The following BTRC variants were observed in gnomAD, a reference collection of about 807,000 sequenced individuals.
BTRC encodes beta-transducin repeat containing E3 ubiquitin protein ligase, also known as F-box/WD repeat-containing protein 1A.
In BTRC, 42 loss-of-function variants were observed where a neutral mutation model predicts 85.5. The observed-to-expected ratio is 0.49, with a 90% CI of 0.38 to 0.64. BTRC has a LOEUF of 0.64. BTRC is among the 30% of genes least tolerant of loss of function. The pLI is 0.00. For synonymous variants in BTRC, 255 were observed against 263.3 expected (o/e 0.97, Z 0.30); for missense variants, 594 against 743.5 (o/e 0.80, Z 2.34).
intron 4 of BTRC, among the ~76,000 whole-genome samples, chr10:101,485,711 C>T (rs558707746): frequency 3.3e-4 from 50 of 152,234 alleles, no homozygotes; most frequent in African/African-American, 1.2e-3. Context: ...GACTGAGGCA[C>T]TTCAAGATGC....
chr10:101,479,198 T>C (rs1480431379), intron 3 of BTRC, among the ~76,000 whole-genome samples, 170 bp from the exon 4 acceptor site: 1 of 130,956 alleles, frequency 7.6e-6, no homozygotes, highest in Non-Finnish European at 1.8e-5. Flanking sequence ...TTTTGTAGCC[T>C]CTATCTTTGC....
intron 6 of BTRC, among the ~76,000 whole-genome samples, chr10:101,527,020 CAG>C (rs2062202540): frequency 6.6e-6 from 1 of 152,156 alleles, no homozygotes; most frequent in Non-Finnish European, 1.5e-5. Context: ...ACTTTTCTCT[CAG>C]AGTATGTCTC....
At chr10:101,454,820 A>T (rs1202615227) in intron 2 of BTRC, among the ~76,000 whole-genome samples, 2 of 152,174 alleles carry the variant, frequency 1.3e-5, no homozygotes, top group Non-Finnish European at 1.5e-5. Flanking sequence ...TTTCAAGATC[A>T]TATCACCTGT....
intron 3 of BTRC, among the ~76,000 whole-genome samples, chr10:101,478,527 G>A (rs983641272): frequency 4.6e-5 from 7 of 150,838 alleles, no homozygotes; most frequent in Non-Finnish European, 8.9e-5. Context: ...ACAATGGCTC[G>A]TCCCTGTAAT....
intron 1 of BTRC, chr10:101,354,607 C>T (rs1335797669): frequency 1.8e-5 from 5 of 278,330 alleles, no homozygotes; most frequent in Non-Finnish European, 3.3e-5. Context: ...GTCAGGGTTA[C>T]CGGTAAGGCC....
Position 101,521,637 on chromosome 10 carries a change from A to G in BTRC, c.325-2A>G. 6.2e-7 allele frequency: 1 copy of G among 1,610,494 alleles called. No homozygotes were observed. Among genetic ancestry groups the G allele is most frequent in the East Asian group, 2.2e-5 (1 of 44,868 alleles). On this transcript the variant is annotated splice_acceptor_variant, in intron 4 of 14. Transcript: ENST00000370187. LOFTEE classifies it high-confidence loss of function. ...TATGTTTCTTTTAACCCCCTTCTAC[A>G]GACAAAACTTGCCAATGGCACTTCC...
rs187443283 is a variant in BTRC at position 101,356,425 on chromosome 10, A to G, written c.48+2197A>G. Among the ~76,000 whole-genome samples, 50 of 152,350 alleles carry G rather than the reference A, an allele frequency of 3.3e-4. 1 individual carries two copies. Among genetic ancestry groups the G allele is most frequent in the Admixed American group, 2.9e-3 (44 of 15,300 alleles). On this transcript the variant is annotated intron_variant, in intron 1 of 14. Transcript: ENST00000370187. ...CTCAGTTAGACTTCAGCCTAGTAAC[A>G]TTCTCAGCTACTTAATCTCTGCTTT...
chr10:101,521,472 A>G (rs935326969), intron 4 of BTRC, among the ~76,000 whole-genome samples, 167 bp from the exon 5 acceptor site: 2 of 152,224 alleles, frequency 1.3e-5, no homozygotes, highest in Non-Finnish European at 2.9e-5. Flanking sequence ...TAGCTGATTT[A>G]CCAACTTTCT....
intron 1 of BTRC, among the ~76,000 whole-genome samples, chr10:101,407,658 A>C (rs1446402104): frequency 6.6e-6 from 1 of 150,470 alleles, no homozygotes; most frequent in South Asian, 2.1e-4. Flanking sequence ...CCCAAAGTGC[A>C]AGATGACAGG....
chr10:101,427,263 G>A (rs754543749), intron 1 of BTRC, among the ~76,000 whole-genome samples: 12 of 151,406 alleles, frequency 7.9e-5, no homozygotes, highest in East Asian at 2.0e-4. Context: ...GACTATAGGC[G>A]TGCACCACCA....
chr10:101,371,951 A>G (rs1942647793), intron 1 of BTRC, among the ~76,000 whole-genome samples: 1 of 152,124 alleles, frequency 6.6e-6, no homozygotes, highest in African/African-American at 2.4e-5. Flanking sequence ...CTACAAAAGG[A>G]TCAGAATTCT....
chr10:101,367,002 ATATT>A (rs1942465072), intron 1 of BTRC, among the ~76,000 whole-genome samples: 5 of 75,518 alleles, frequency 6.6e-5, no homozygotes, highest in South Asian at 3.1e-4. Context: ...ATTAATATAT[ATATT>A]TATATATATA....
intron 2 of BTRC, among the ~76,000 whole-genome samples, chr10:101,461,285 A>T (rs909076912): frequency 6.6e-6 from 1 of 152,022 alleles, no homozygotes; most frequent in Non-Finnish European, 1.5e-5. Context: ...TGTAATTTGG[A>T]TTTTCTGTAT....
At chr10:101,508,786 C>T (rs1946608249) in intron 4 of BTRC, among the ~76,000 whole-genome samples, 1 of 151,820 alleles carries the variant, frequency 6.6e-6, no homozygotes, top group Non-Finnish European at 1.5e-5. Context: ...TGGTGGCAGG[C>T]GCCTGTAGTC....
At chr10:101,518,038 A>G (rs974887585) in intron 4 of BTRC, among the ~76,000 whole-genome samples, 2 of 147,218 alleles carry the variant, frequency 1.4e-5, no homozygotes, top group Non-Finnish European at 3.0e-5. Flanking sequence ...TCAGCCTCCC[A>G]AGTAGCTGGG....
chr10:101,484,806 T>C (rs1945939361), intron 4 of BTRC, among the ~76,000 whole-genome samples: 1 of 152,238 alleles, frequency 6.6e-6, no homozygotes, highest in Admixed American at 6.5e-5. Flanking sequence ...AGGAAGGAAC[T>C]TCAGATGTAA....
rs375980263 is a variant in BTRC at position 101,366,766 on chromosome 10, T to TTATATATATA, written c.48+12552_48+12561dup. Among the ~76,000 whole-genome samples, 36 of 50,922 alleles carry TTATATATATA rather than the reference T, an allele frequency of 7.1e-4. No individual in the cohort carries two copies. In the East Asian group the frequency reaches 0.012, roughly 17 times the overall value. 33.4% of individuals were successfully genotyped at this position (50,922 alleles called of 152,430 possible). Reference sequence around the variant, plus strand: ...CCCAGGGAGTTTGGACTTAATCTAGTTATATATATATATATATATATATTT... The same window carrying TTATATATATA: ...CCCAGGGAGTTTGGACTTAATCTAGTTATATATATATATATATATATATATATATATATTT... On this transcript the variant is annotated intron_variant, in intron 1 of 14. Coordinates refer to ENST00000370187, the MANE Select transcript of BTRC (RefSeq NM_033637.4).
At chr10:101,461,914 C>T (rs1436240904) in intron 2 of BTRC, 67 bp from the exon 3 acceptor site, 10 of 1,136,238 alleles carry the variant, frequency 8.8e-6, no homozygotes, top group Non-Finnish European at 1.3e-5. Flanking sequence ...AAATGTAATT[C>T]AGTTTACTCC....
chr10:101,436,296 C>A (rs1055140883), intron 2 of BTRC, among the ~76,000 whole-genome samples: 1 of 152,020 alleles, frequency 6.6e-6, no homozygotes, highest in Admixed American at 6.6e-5. Flanking sequence ...AATTAAGATT[C>A]TTTATTTTGC....
Sources: allele counts gnomAD v4.1 joint callset (sites outside exome capture counted in the v4.1 genomes callset), GRCh38; gene constraint gnomAD v4.1.1; transcripts MANE v1.5; gene names NCBI Gene and HGNC (gene_info 2026-07-23, HGNC 2026-07-21).